CCDC69: variants seen among roughly 807,000 people sequenced by gnomAD.
CCDC69 encodes coiled-coil domain containing 69.
CCDC69 carries 38 observed loss-of-function variants against 40.3 expected under a neutral mutation model. That is an observed-to-expected ratio of 0.94 (90% CI 0.73 to 1.24). CCDC69 has a LOEUF of 1.24. Among genes scored for constraint, CCDC69 ranks in the 50% most tolerant of loss-of-function variants. The probability of loss-of-function intolerance (pLI) is 0.00; values close to 1 mark genes in which losing one functional copy is unlikely to be tolerated. For missense variants in CCDC69, 389 were observed against 357.9 expected, an observed-to-expected ratio of 1.09 and a Z score of -0.70; for synonymous variants, 141 against 138.9, an observed-to-expected ratio of 1.02 and a Z score of -0.11.
intron 4 of CCDC69, among the ~76,000 whole-genome samples, chr5:151,188,915 A>G (rs455172): frequency 0.65 from 98,469 of 151,962 alleles, 32,357 homozygotes; most frequent in Admixed American, 0.77. Flanking sequence ...CAGCAGACTG[A>G]GCAAGAAGAC....
At chr5:151,213,193 G>A (rs1752977693) in intron 1 of CCDC69, among the ~76,000 whole-genome samples, 1 of 152,194 alleles carries the variant, frequency 6.6e-6, no homozygotes. Flanking sequence ...GTGAATGGCT[G>A]TAGTCACATA....
chr5:151,201,734 G>C lies in CCDC69; in HGVS notation c.125-46C>G, dbSNP rs200789806. Reference sequence around the variant, plus strand: ...AAATAAAAATAAAAAAACTCACAGAGTGGAAGTACAGTCAGAGCTGGCAGA... The same window carrying C: ...AAATAAAAATAAAAAAACTCACAGACTGGAAGTACAGTCAGAGCTGGCAGA... On this transcript the variant is annotated intron_variant, in intron 2 of 8. Coordinates refer to ENST00000355417, the MANE Select transcript of CCDC69 (RefSeq NM_015621.3). 3.2e-4 allele frequency: 411 copies of C among 1,288,290 alleles called. 1 individual carries two copies. The highest frequency in any genetic ancestry group is 5.3e-5 in the Non-Finnish European group (48 of 905,018). The allele number at this position is 1,288,290 out of a possible 1,614,324, so 79.8% of individuals were successfully genotyped here.
At chr5:151,201,559 G>T in intron 3 of CCDC69, 23 bp downstream of exon 3, 21 of 1,513,448 alleles carry the variant, frequency 1.4e-5, no homozygotes, top group Non-Finnish European at 1.9e-5. Context: ...AGAAAGACAG[G>T]GGGTGGGGGC....
intron 1 of CCDC69, among the ~76,000 whole-genome samples, chr5:151,211,300 A>G (rs889168751): frequency 1.3e-5 from 2 of 152,168 alleles, no homozygotes; most frequent in African/African-American, 4.8e-5. Flanking sequence ...ACATCTGGTT[A>G]GCTGTCTGTC....
chr5:151,215,672 A>G, intron 1 of CCDC69: 1 of 389,974 alleles, frequency 2.6e-6, no homozygotes, highest in South Asian at 1.7e-5. Flanking sequence ...GTTGTAAAAG[A>G]GAGGGCGGGA....
intron 4 of CCDC69, among the ~76,000 whole-genome samples, chr5:151,196,489 G>C (rs1752702368): frequency 6.6e-6 from 1 of 152,010 alleles, no homozygotes; most frequent in Admixed American, 6.6e-5. Flanking sequence ...AATAATTCTG[G>C]GGAAAGGCCA....
chr5:151,218,814 G>A (rs1190703181), intron 1 of CCDC69, among the ~76,000 whole-genome samples: 2 of 152,188 alleles, frequency 1.3e-5, no homozygotes, highest in African/African-American at 2.4e-5. Context: ...TAGGTATCTG[G>A]GAACTCGTCA....
intron 4 of CCDC69, among the ~76,000 whole-genome samples, chr5:151,197,584 C>T (rs779146663): frequency 3.9e-5 from 6 of 151,978 alleles, no homozygotes; most frequent in African/African-American, 4.8e-5. Context: ...AGTGCCTGCT[C>T]GGTGGGTGGG....
Position 151,181,055 on chromosome 5 carries a change from G to A in CCDC69, c.*2382C>T, listed in dbSNP as rs1271580362. 2 of 151,960 alleles carry A rather than the reference G, an allele frequency of 1.3e-5. No individual in the cohort carries two copies. The highest frequency in any genetic ancestry group is 2.9e-5 in the Non-Finnish European group (2 of 67,996). 9.4% of individuals were successfully genotyped at this position (151,960 alleles called of 1,614,324 possible). ...AAAAACACAAAAGTCACATAAATAA[G>A]GTGCCGCATGTTCTTTTTAGTTTCC... On this transcript the variant is annotated 3_prime_UTR_variant, in exon 9 of 9. Transcript: ENST00000355417.
At chr5:151,194,755 T>C (rs1308426221) in intron 4 of CCDC69, among the ~76,000 whole-genome samples, 2 of 151,998 alleles carry the variant, frequency 1.3e-5, no homozygotes, top group Admixed American at 6.6e-5. Flanking sequence ...TAGCTGGGCA[T>C]AGTGGCACGT....
chr5:151,189,531 C>G (rs1030748470), intron 4 of CCDC69, among the ~76,000 whole-genome samples: 1 of 151,278 alleles, frequency 6.6e-6, no homozygotes, highest in Non-Finnish European at 1.5e-5. Context: ...TTACTATCAT[C>G]ACAGTCAAAG....
rs761738007 is a variant in CCDC69, at chr5:151,183,530, C to T, written c.798G>A (p.Glu266=). Residue 266 remains glutamate (E), a synonymous_variant, in exon 9 of 9, where the codon GAG becomes GAA. Transcript: ENST00000355417. ...CCCCAAGGACCCGGTACAACAGCTC[C>T]TCCTTCTCCTGCTGGAGCTGTCGCC... ...QLRRQLQQEK[E]ELLYRVLGAN... is the part of the protein sequence containing the mutation. The T allele has an allele frequency of 8.1e-6, 13 of 1,610,558 alleles. No individual in the cohort carries two copies. Among genetic ancestry groups the T allele is most frequent in the African/African-American group, 1.3e-5 (1 of 75,050 alleles).
At chr5:151,214,316 A>G (rs1582051003) in intron 1 of CCDC69, among the ~76,000 whole-genome samples, 1 of 152,162 alleles carries the variant, frequency 6.6e-6, no homozygotes, top group African/African-American at 2.4e-5. Flanking sequence ...TAGAGGCAGG[A>G]AGGAGGCGGG....
chr5:151,200,255 C>G (rs1480845823), intron 3 of CCDC69, among the ~76,000 whole-genome samples: 1 of 152,100 alleles, frequency 6.6e-6, no homozygotes, highest in Non-Finnish European at 1.5e-5. Flanking sequence ...TCTCCTGCCT[C>G]AGCTTCCCAA....
chr5:151,222,255 C>T (rs1374790743), intron 1 of CCDC69, among the ~76,000 whole-genome samples: 1 of 152,264 alleles, frequency 6.6e-6, no homozygotes, highest in Admixed American at 6.5e-5. Flanking sequence ...CCCTTTCCAA[C>T]TCAGACAGGC....
intron 1 of CCDC69, chr5:151,211,163 C>T (rs548690028): frequency 7.9e-5 from 12 of 152,270 alleles, no homozygotes; most frequent in Non-Finnish European, 1.2e-4. Context: ...CACCGTGACG[C>T]GTGGTTAGGT....
At chr5:151,206,986 C>T (rs1184813426) in intron 1 of CCDC69, among the ~76,000 whole-genome samples, 3 of 151,228 alleles carry the variant, frequency 2.0e-5, no homozygotes, top group Non-Finnish European at 4.4e-5. Flanking sequence ...AGTGCAATTG[C>T]GTGATTCTGG....
At chr5:151,201,349 T>C (rs939217512) in intron 3 of CCDC69, among the ~76,000 whole-genome samples, 4 of 152,172 alleles carry the variant, frequency 2.6e-5, no homozygotes, top group African/African-American at 9.7e-5. Flanking sequence ...TCTTCCCAAA[T>C]AGACTCTCAG....
intron 6 of CCDC69, 86 bp from the exon 7 acceptor site, chr5:151,185,627 C>A: frequency 7.2e-7 from 1 of 1,397,236 alleles, no homozygotes; most frequent in Non-Finnish European, 1.0e-6. Context: ...TGGACTTTCA[C>A]AAGTCACCCA....
Sources: gnomAD v4.1 joint callset for allele counts (sites outside exome capture counted in the v4.1 genomes callset) on GRCh38, gnomAD v4.1.1 for gene constraint, MANE v1.5 for transcripts, NCBI Gene and HGNC (gene_info 2026-07-23, HGNC 2026-07-21) for gene names.